SVIL: variants seen among roughly 807,000 people sequenced by gnomAD.
SVIL encodes the protein supervillin, also known as archvillin.
Under a neutral mutation model 240.4 loss-of-function variants are expected in SVIL, and 101 were observed. That is an observed-to-expected ratio of 0.42 (90% confidence interval 0.36 to 0.50). The LOEUF is 0.50. Ranked by LOEUF, SVIL falls within the 20% of genes least tolerant of loss-of-function variation. The pLI, the probability that SVIL is intolerant of heterozygous loss-of-function variation, is 0.01. For synonymous variants in SVIL, 999 were observed against 1,100.0 expected, an observed-to-expected ratio of 0.91 and a Z score of 1.82; for missense variants, 2,512 against 2,818.7, an observed-to-expected ratio of 0.89 and a Z score of 2.46.
At chr10:29,509,204 T>A (rs1949598828) in intron 17 of SVIL, among the ~76,000 whole-genome samples, 1 of 151,462 alleles carries the variant, frequency 6.6e-6, no homozygotes, top group Admixed American at 6.6e-5. Flanking sequence ...GCTACGAGAC[T>A]CACACATGTT....
intron 1 of SVIL, among the ~76,000 whole-genome samples, chr10:29,608,324 T>C (rs1165525950): frequency 6.6e-6 from 1 of 152,232 alleles, no homozygotes; most frequent in Non-Finnish European, 1.5e-5. Context: ...ACGGCAGCAG[T>C]GGCCCATCTG....
intron 32 of SVIL, among the ~76,000 whole-genome samples, chr10:29,468,328 T>C (rs1191952799): frequency 1.3e-5 from 2 of 152,200 alleles, no homozygotes; most frequent in Non-Finnish European, 2.9e-5. Flanking sequence ...AGAATAATAT[T>C]CCACTAATTT....
chr10:29,699,636 C>T (rs1291163697), intron 1 of SVIL, among the ~76,000 whole-genome samples: 1 of 152,176 alleles, frequency 6.6e-6, no homozygotes, highest in Non-Finnish European at 1.5e-5. Flanking sequence ...TAGCTCAGGA[C>T]ACGCTGAAGC....
chr10:29,527,000 G>C lies in SVIL; in HGVS notation c.2303C>G (p.Pro768Arg), dbSNP rs1950968082. The stretch of plus-strand genomic sequence containing the variant: ...AGCGCTCCTAGCTACAGTGGGGCTA[G>C]GAAGTCTCGCCATTACAGGGTGGGT... ...GGTHPVMARL[P>R]SPTVARSAVQ... Residue 768 changes from proline to arginine, a missense_variant, in exon 13 of 38, where the codon CCT (proline) becomes CGT (arginine). By Grantham distance (103) the Pro-to-Arg change is moderately radical (BLOSUM62 -2). Around this residue, in one of 3 missense-constraint regions of SVIL, gnomAD observed 1,443 missense variants for 1,486.6 expected, o/e 0.97. Coordinates refer to ENST00000355867, the MANE Select transcript of SVIL (RefSeq NM_021738.3). 5 of 1,612,464 alleles carry C rather than the reference G, an allele frequency of 3.1e-6. No individual in the cohort carries two copies. Among genetic ancestry groups the C allele is most frequent in the Non-Finnish European group, 3.4e-6 (4 of 1,179,406 alleles).
At chr10:29,554,693 T>G in intron 5 of SVIL, 90 bp downstream of exon 5, 1 of 1,383,716 alleles carries the variant, frequency 7.2e-7, no homozygotes, top group South Asian at 1.8e-5. Flanking sequence ...CTGTGGAATA[T>G]CTCATGTTCT....
At chr10:29,597,937 C>G (rs1295610938) in intron 1 of SVIL, among the ~76,000 whole-genome samples, 1 of 152,036 alleles carries the variant, frequency 6.6e-6, no homozygotes, top group Non-Finnish European at 1.5e-5. Flanking sequence ...GTCACAGACC[C>G]AGCTTTGTGC....
intron 18 of SVIL, among the ~76,000 whole-genome samples, chr10:29,495,951 T>C (rs1948412398): frequency 6.6e-6 from 1 of 152,184 alleles, no homozygotes. Context: ...GAAAACTGAT[T>C]AGTGCATTTA....
chr10:29,617,135 C>G (rs1957455574), intron 1 of SVIL, among the ~76,000 whole-genome samples: 1 of 152,192 alleles, frequency 6.6e-6, no homozygotes, highest in Non-Finnish European at 1.5e-5. Flanking sequence ...TGCTTCCGCA[C>G]AATTGTTCAT....
At chr10:29,690,046 C>T (rs559671079) in intron 1 of SVIL, among the ~76,000 whole-genome samples, 1 of 152,270 alleles carries the variant, frequency 6.6e-6, no homozygotes, top group East Asian at 1.9e-4. Context: ...ATTTAAAAAT[C>T]TAAACGGCTC....
intron 1 of SVIL, among the ~76,000 whole-genome samples, chr10:29,570,201 A>T (rs1465071630): frequency 6.6e-6 from 1 of 152,230 alleles, no homozygotes; most frequent in Non-Finnish European, 1.5e-5. Context: ...AAGAAATACA[A>T]TAAAATGAAA....
At chr10:29,549,889 G>C (rs1264928987) in intron 6 of SVIL, among the ~76,000 whole-genome samples, 1 of 94,762 alleles carries the variant, frequency 1.1e-5, no homozygotes, top group Non-Finnish European at 2.1e-5. Flanking sequence ...GGGGGAGGGG[G>C]GAGGGATAGC....
intron 1 of SVIL, among the ~76,000 whole-genome samples, chr10:29,613,172 C>CA (rs549906216): frequency 0.086 from 4,577 of 53,392 alleles, 142 homozygotes; most frequent in African/African-American, 0.096. Context: ...GACTCCATCT[C>CA]AAAAAAAAAA....
intron 20 of SVIL, among the ~76,000 whole-genome samples, chr10:29,493,634 C>T (rs143814280): frequency 3.9e-5 from 6 of 152,124 alleles, no homozygotes; most frequent in Admixed American, 2.6e-4. Flanking sequence ...TGCACACACG[C>T]GCCCACTGAA....
chr10:29,665,159 C>T lies in SVIL; in HGVS notation c.-300-7091G>A, dbSNP rs528130683. The stretch of plus-strand genomic sequence containing the variant: ...GGAGGATCACTTGAGCTCAGGAGTT[C>T]GAGGCTGCAGTGAGCTGTGATTGCC... On this transcript the variant is annotated intron_variant, in intron 2 of 35. Coordinates refer to the SVIL transcript ENST00000375400. 1.4e-4 allele frequency among the ~76,000 whole-genome samples: 19 copies of T among 138,182 alleles called. 1 individual carries two copies. The South Asian group carries it at 3.2e-3, about 24-fold the overall frequency. The allele number at this position is 138,182 out of a possible 152,430, so 90.7% of individuals were successfully genotyped here. A position where few individuals can be genotyped will look rare whatever the true frequency, so the allele number is the denominator to read the frequency against.
In SVIL at chr10:29,486,177, T is replaced by TA; in HGVS notation, c.4686dup (p.Asn1563Ter). ...TCATCCATGAGACGGTAAATGCAGT[T>TA]AGTTTCTATTATGGCTGCTTCATAG... On this transcript the variant is annotated frameshift_variant, in exon 26 of 38. Transcript: ENST00000355867. LOFTEE classifies it high-confidence loss of function. The TA allele has an allele frequency of 6.2e-7, 1 of 1,614,216 alleles. No homozygotes were observed. The highest frequency in any genetic ancestry group is 8.5e-7 in the Non-Finnish European group (1 of 1,180,030).
intron 3 of SVIL, among the ~76,000 whole-genome samples, chr10:29,640,626 G>C (rs1297744632): frequency 6.6e-6 from 1 of 152,086 alleles, no homozygotes; most frequent in African/African-American, 2.4e-5. Flanking sequence ...CTTGTACCTG[G>C]TTTCCTACCT....
rs149026120 is a variant in SVIL at position 29,676,991 on chromosome 10, T to C, written c.-301+9562A>G. 1.8e-3 allele frequency among the ~76,000 whole-genome samples: 278 copies of C among 152,320 alleles called. 2 individuals are homozygous for C. Among genetic ancestry groups the C allele is most frequent in the African/African-American group, 6.4e-3 (268 of 41,576 alleles). ...CTTACGGACATTTCTAAATAAAGGA[T>C]GACAAAGTAACTGGATCAACTACAT... On this transcript the variant is annotated intron_variant, in intron 2 of 35. Transcript: ENST00000375400.
intron 1 of SVIL, chr10:29,686,760 C>G (rs1455095029): frequency 6.6e-6 from 1 of 152,204 alleles, no homozygotes; most frequent in Non-Finnish European, 1.5e-5. Flanking sequence ...TCTGGAAATA[C>G]CGCACTGCTT....
intron 6 of SVIL, among the ~76,000 whole-genome samples, chr10:29,545,853 CAAAAAAAA>C (rs755360700): frequency 9.4e-5 from 6 of 63,568 alleles, no homozygotes; most frequent in African/African-American, 2.1e-4. Flanking sequence ...GACTCTGTCT[CAAAAAAAA>C]AAAAAAAAAA....
Sources: gnomAD v4.1 joint callset for allele counts (sites outside exome capture counted in the v4.1 genomes callset) on GRCh38, gnomAD v4.1.1 for gene constraint, gnomAD v4.1.1 regional missense constraint, MANE v1.5 for transcripts, NCBI Gene and HGNC (gene_info 2026-07-23, HGNC 2026-07-21) for gene names.